Variants in DGKG observed in about 807,000 individuals in gnomAD.
DGKG encodes the protein DAG kinase gamma.
DGKG carries 78 observed loss-of-function variants against 105.3 expected under a neutral mutation model. That is an observed-to-expected ratio of 0.74 (90% CI 0.62 to 0.89). The LOEUF is 0.89. Among genes scored for constraint, DGKG ranks in the 40% least tolerant of loss-of-function variants. DGKG has a pLI of 0.00. For synonymous variants in DGKG, 346 were observed against 367.1 expected (o/e 0.94, Z 0.66); for missense variants, 958 against 1,020.1 (o/e 0.94, Z 0.83).
chr3:186,184,731 C>T (rs1012483221), intron 22 of DGKG, among the ~76,000 whole-genome samples: 1 of 152,120 alleles, frequency 6.6e-6, no homozygotes, highest in African/African-American at 2.4e-5. Context: ...CCCCTCCCAT[C>T]ATCATTTCCT....
chr3:186,297,297 G>T, intron 5 of DGKG, 124 bp downstream of exon 5: 1 of 735,536 alleles, frequency 1.4e-6, no homozygotes, highest in South Asian at 1.6e-5. Context: ...GCCACAGGAG[G>T]ACCAGATCTG....
rs149667649 is a variant in DGKG, at chr3:186,334,290, C to A, written c.-248-13583G>T. Among the ~76,000 whole-genome samples, 210 of 152,288 alleles carry A rather than the reference C, an allele frequency of 1.4e-3. 1 individual carries two copies. Among genetic ancestry groups the A allele is most frequent in the Admixed American group, 2.8e-3 (43 of 15,298 alleles). On this transcript the variant is annotated intron_variant, in intron 1 of 24. Transcript: ENST00000265022. ...AATGCAAAGCCCATATTCCCCCACC[C>A]CACCCTGCATCTGTACTGCTTCTCA...
chr3:186,225,342 C>G (rs1429897327), intron 20 of DGKG, among the ~76,000 whole-genome samples: 1 of 152,134 alleles, frequency 6.6e-6, no homozygotes, highest in Non-Finnish European at 1.5e-5. Flanking sequence ...CATTCATTCT[C>G]TCCTTTGGCA....
chr3:186,158,423 T>G, intron 24 of DGKG: 1 of 982,192 alleles, frequency 1.0e-6, no homozygotes, highest in Non-Finnish European at 1.2e-6. Flanking sequence ...AATCTCTTGT[T>G]GTTTAGGAGA....
intron 16 of DGKG, 85 bp downstream of exon 16, chr3:186,260,353 GA>G (rs879789363): frequency 6.8e-5 from 67 of 981,374 alleles, no homozygotes; most frequent in Non-Finnish European, 7.8e-5. Context: ...AGAGACGAAA[GA>G]AAAAAAAGGT....
At chr3:186,259,214 G>A (rs748914667) in intron 16 of DGKG, among the ~76,000 whole-genome samples, 3 of 152,206 alleles carry the variant, frequency 2.0e-5, no homozygotes, top group African/African-American at 4.8e-5. Context: ...GTATCAGCCC[G>A]GGAAGTAGCC....
intron 1 of DGKG, among the ~76,000 whole-genome samples, chr3:186,334,528 C>G (rs1411316231): frequency 1.3e-5 from 2 of 152,210 alleles, no homozygotes; most frequent in Non-Finnish European, 2.9e-5. Flanking sequence ...ACACCTCATG[C>G]CTAGCCCAGA....
At chr3:186,265,189 C>T (rs1253595919) in intron 14 of DGKG, 58 bp downstream of exon 14, 2 of 1,560,634 alleles carry the variant, frequency 1.3e-6, no homozygotes, top group African/African-American at 1.4e-5. Context: ...CCCGTCTTGC[C>T]CGCCACAGCC....
intron 10 of DGKG, 57 bp from the exon 11 acceptor site, chr3:186,272,400 A>G (rs1722359104): frequency 1.5e-6 from 2 of 1,297,724 alleles, no homozygotes; most frequent in African/African-American, 1.5e-5. Flanking sequence ...GGAAAGGCCC[A>G]GCTGCCCTCC....
chr3:186,343,211 G>A lies in DGKG; in HGVS notation c.-249+18735C>T, dbSNP rs975351961. ...CCATGGAGGCTACTGAACCACTTTC[G>A]TTGATCTTTGAAGAATTTTGGAGAA... On this transcript the variant is annotated intron_variant, in intron 1 of 24. Coordinates refer to ENST00000265022, the MANE Select transcript of DGKG (RefSeq NM_001346.3). 6.6e-5 allele frequency among the ~76,000 whole-genome samples: 10 copies of A among 152,270 alleles called. No homozygotes were observed. The South Asian group carries it at 8.3e-4, about 13-fold the overall frequency.
intron 22 of DGKG, 63 bp from the exon 23 acceptor site, chr3:186,165,081 C>G: frequency 6.5e-7 from 1 of 1,545,988 alleles, no homozygotes; most frequent in Non-Finnish European, 8.7e-7. Flanking sequence ...CAAGTTCTGG[C>G]CAGAAAGTCT....
At chr3:186,193,444 T>C (rs1718003618) in intron 21 of DGKG, among the ~76,000 whole-genome samples, 1 of 152,214 alleles carries the variant, frequency 6.6e-6, no homozygotes, top group Non-Finnish European at 1.5e-5. Context: ...TTCCCCAACC[T>C]CTGTGCCATG....
In DGKG at chr3:186,297,474, A is replaced by G; in HGVS notation, c.320T>C (p.Ile107Thr). Reference protein sequence around the residue: ...NSEANSADTNIQNADNATKAD... With the variant: ...NSEANSADTNTQNADNATKAD... ...TTTGGTGGCATTATCTGCATTCTGTATATTAGTATCTGAGGAAAAAAAAGA... is the reference window on the plus strand; with the variant it reads ...TTTGGTGGCATTATCTGCATTCTGTGTATTAGTATCTGAGGAAAAAAAAGA... Residue 107 changes from isoleucine (I) to threonine (T), a missense_variant, in exon 5 of 25, where the codon ATA (isoleucine) becomes ACA (threonine). Ile to Thr is a moderately conservative substitution (Grantham distance 89). This residue lies in a region of DGKG where 643 missense variants were observed against 619.5 expected (regional missense o/e 1.04). Transcript: ENST00000265022. 10 of 1,611,236 alleles carry G rather than the reference A, an allele frequency of 6.2e-6. No homozygotes were observed. The highest frequency in any genetic ancestry group is 8.5e-6 in the Non-Finnish European group (10 of 1,177,386).
In DGKG at chr3:186,251,829, G is replaced by A; in HGVS notation, c.1691C>T (p.Pro564Leu). Residue 564 changes from proline (P) to leucine (L), a missense_variant, in exon 19 of 25, where the codon CCC becomes CTC. Pro to Leu is a moderately conservative substitution (Grantham distance 98, BLOSUM62 -3). Transcript: ENST00000265022. ...GTCCCCGTTTTCCACTTCCTCTCTG[G>A]GGATGACTTCCAGATGCCAGCGGTC... ...MLDRWHLEVIPREEVENGDQV... is the reference protein window; with the variant it reads ...MLDRWHLEVILREEVENGDQV... 6.2e-7 allele frequency: 1 copy of A among 1,613,794 alleles called. No homozygotes were observed. Among genetic ancestry groups the A allele is most frequent in the Non-Finnish European group, 8.5e-7 (1 of 1,179,812 alleles).
At chr3:186,151,034 A>G (rs1048994604) in intron 24 of DGKG, among the ~76,000 whole-genome samples, 14 of 152,232 alleles carry the variant, frequency 9.2e-5, no homozygotes, top group African/African-American at 3.1e-4. Context: ...ATTAGAATTC[A>G]AAGACCTGGG....
chr3:186,229,826 G>A (rs1405944629), intron 20 of DGKG, among the ~76,000 whole-genome samples: 1 of 152,198 alleles, frequency 6.6e-6, no homozygotes, highest in African/African-American at 2.4e-5. Context: ...TTAGTTCAGT[G>A]GATCCTGAAG....
chr3:186,220,522 G>C (rs369846872), intron 20 of DGKG, among the ~76,000 whole-genome samples: 2 of 152,304 alleles, frequency 1.3e-5, no homozygotes, highest in South Asian at 4.1e-4. Context: ...GAGAGAAATG[G>C]AAAAGTCAAC....
chr3:186,248,643 G>A (rs1431084012), intron 19 of DGKG, among the ~76,000 whole-genome samples: 1 of 152,188 alleles, frequency 6.6e-6, no homozygotes, highest in Non-Finnish European at 1.5e-5. Context: ...CTGATAAGAG[G>A]TGGTGGTGAG....
At chr3:186,172,529 G>T (rs978668940) in intron 22 of DGKG, among the ~76,000 whole-genome samples, 5 of 152,244 alleles carry the variant, frequency 3.3e-5, no homozygotes, top group African/African-American at 1.2e-4. Context: ...TGTTTACCTG[G>T]GTTACAGCAG....
Sources: allele counts gnomAD v4.1 joint callset (sites outside exome capture counted in the v4.1 genomes callset), GRCh38; gene constraint gnomAD v4.1.1; regional missense constraint gnomAD v4.1.1; transcripts MANE v1.5; gene names NCBI Gene and HGNC (gene_info 2026-07-23, HGNC 2026-07-21).